SYT17: variants seen among roughly 807,000 people sequenced by gnomAD.
The protein encoded by SYT17 is synaptotagmin 17, also known as synaptotagmin-17.
Under a neutral mutation model 46.7 loss-of-function variants are expected in SYT17, and 22 were observed. The ratio of observed to expected loss-of-function variants is 0.47; its 90% CI spans 0.34 to 0.67. The LOEUF (loss-of-function observed/expected upper bound fraction) is 0.67, where lower values mean the gene tolerates loss of function less well. SYT17 is among the 30% of genes least tolerant of loss of function. The probability of loss-of-function intolerance (pLI) is 0.01; values close to 1 mark genes in which losing one functional copy is unlikely to be tolerated. For synonymous variants in SYT17, 251 were observed against 248.4 expected, an observed-to-expected ratio of 1.01 and a Z score of -0.10; for missense variants, 519 against 612.8, an observed-to-expected ratio of 0.85 and a Z score of 1.62.
intron 5 of SYT17, among the ~76,000 whole-genome samples, chr16:19,200,750 A>G (rs144693631): frequency 0.01 from 1,587 of 152,268 alleles, 22 homozygotes; most frequent in Middle Eastern, 0.024. Context: ...GACTTTTACT[A>G]CAGCTGGTGT....
Position 19,216,376 on chromosome 16 carries a change from A to C in SYT17, c.952-6669A>C, listed in dbSNP as rs534984532. ...TGATTAATACTTGAGCCCTACAATT[A>C]TTTCTTTTTTTTTTTTTTTATTATA... On this transcript the variant is annotated intron_variant, in intron 5 of 7. Coordinates refer to ENST00000355377, the MANE Select transcript of SYT17 (RefSeq NM_016524.4). 3.9e-4 allele frequency among the ~76,000 whole-genome samples: 39 copies of C among 100,492 alleles called. No individual in the cohort carries two copies. The East Asian group carries it at 7.1e-3, about 18-fold the overall frequency. The allele number at this position is 100,492 out of a possible 152,430, so 65.9% of individuals were successfully genotyped here.
chr16:19,266,541 G>T (rs570160697), intron 7 of SYT17, among the ~76,000 whole-genome samples: 1 of 152,180 alleles, frequency 6.6e-6, no homozygotes, highest in Non-Finnish European at 1.5e-5. Flanking sequence ...ATGCAGTGTG[G>T]TGATGCCGTG....
At chr16:19,263,640 C>CAAAAAAAAAA (rs1157288423) in intron 7 of SYT17, among the ~76,000 whole-genome samples, 2 of 39,230 alleles carry the variant, frequency 5.1e-5, no homozygotes, top group African/African-American at 1.5e-4. Context: ...AATTACAACT[C>CAAAAAAAAAA]AAAAAAAAAA....
In SYT17 at chr16:19,211,204, C is replaced by T. The variant is rs1965886437; in HGVS notation, c.952-11841C>T. ...AATGAGGCCTGTTTATTTGTGACATCGCTTCCACAAGGGACGAGGTAGAAG... is the reference window on the plus strand; with the variant it reads ...AATGAGGCCTGTTTATTTGTGACATTGCTTCCACAAGGGACGAGGTAGAAG... On this transcript the variant is annotated intron_variant, in intron 5 of 7. Coordinates refer to ENST00000355377, the MANE Select transcript of SYT17 (RefSeq NM_016524.4). 8 of 472,698 alleles carry T rather than the reference C, an allele frequency of 1.7e-5. No individual in the cohort carries two copies. In the South Asian group the frequency reaches 2.7e-4, roughly 16 times the overall value. The allele number at this position is 472,698 out of a possible 1,614,324, so 29.3% of individuals were successfully genotyped here.
chr16:19,195,821 C>A (rs903384563), intron 5 of SYT17, among the ~76,000 whole-genome samples: 3 of 152,004 alleles, frequency 2.0e-5, no homozygotes, highest in African/African-American at 7.3e-5. Flanking sequence ...CCCATCTCTA[C>A]AAAAAATTTA....
chr16:19,196,652 G>A (rs376743346), intron 5 of SYT17, among the ~76,000 whole-genome samples: 163 of 152,138 alleles, frequency 1.1e-3, no homozygotes, highest in African/African-American at 3.7e-3. Context: ...GCCTCCACAC[G>A]TATGTAATCT....
chr16:19,185,283 G>C (rs887730250), intron 5 of SYT17, among the ~76,000 whole-genome samples: 1 of 152,136 alleles, frequency 6.6e-6, no homozygotes, highest in African/African-American at 2.4e-5. Context: ...GCCACCATGA[G>C]GTCAATAAGA....
At chr16:19,196,379 A>AT (rs1482339667) in intron 5 of SYT17, among the ~76,000 whole-genome samples, 1 of 151,672 alleles carries the variant, frequency 6.6e-6, no homozygotes, top group African/African-American at 2.4e-5. Context: ...AGTAGCTGGG[A>AT]TTACAGGCAT....
intron 7 of SYT17, among the ~76,000 whole-genome samples, chr16:19,233,278 G>C (rs1242346199): frequency 1.3e-5 from 2 of 152,168 alleles, no homozygotes; most frequent in Non-Finnish European, 2.9e-5. Flanking sequence ...GCGGGGAATG[G>C]GTGGGAGGCC....
chr16:19,236,682 G>T (rs932886867), intron 7 of SYT17, among the ~76,000 whole-genome samples: 3 of 152,168 alleles, frequency 2.0e-5, no homozygotes, highest in Admixed American at 1.3e-4. Flanking sequence ...AGTCCAGGAG[G>T]GGTCAAACTC....
At chr16:19,201,419 C>T (rs1055941797) in intron 5 of SYT17, among the ~76,000 whole-genome samples, 1 of 152,106 alleles carries the variant, frequency 6.6e-6, no homozygotes, top group African/African-American at 2.4e-5. Flanking sequence ...AGTAGGTTAT[C>T]AGAATCAATG....
intron 5 of SYT17, among the ~76,000 whole-genome samples, chr16:19,218,545 GTCT>G (rs951825435): frequency 4.6e-5 from 7 of 152,188 alleles, no homozygotes; most frequent in African/African-American, 1.4e-4. Flanking sequence ...AAAACACTCA[GTCT>G]TCTTAGAAAA....
intron 7 of SYT17, among the ~76,000 whole-genome samples, chr16:19,261,277 C>T (rs960307193): frequency 6.6e-6 from 1 of 152,184 alleles, no homozygotes; most frequent in Non-Finnish European, 1.5e-5. Context: ...TTATAATTTG[C>T]ATTTTAAATT....
chr16:19,223,850 T>C (rs111356355), intron 6 of SYT17, among the ~76,000 whole-genome samples: 1 of 152,226 alleles, frequency 6.6e-6, no homozygotes, highest in African/African-American at 2.4e-5. Context: ...GTGGAGGCAA[T>C]GGTATTAAGA....
chr16:19,169,478 G>A (rs976790667), intron 1 of SYT17, among the ~76,000 whole-genome samples: 2 of 152,198 alleles, frequency 1.3e-5, no homozygotes, highest in African/African-American at 4.8e-5. Context: ...CCTCTGAGCT[G>A]GGCAGAGAAG....
chr16:19,177,133 C>T (rs1318330402), intron 3 of SYT17, among the ~76,000 whole-genome samples: 1 of 152,180 alleles, frequency 6.6e-6, no homozygotes, highest in Non-Finnish European at 1.5e-5. Flanking sequence ...GCTGCTAACC[C>T]TTTGTGTAAG....
At chr16:19,255,599 C>T (rs1968503756) in intron 7 of SYT17, among the ~76,000 whole-genome samples, 1 of 151,836 alleles carries the variant, frequency 6.6e-6, no homozygotes, top group Non-Finnish European at 1.5e-5. Flanking sequence ...TCAGCCTGGA[C>T]AACATAGCAA....
At chr16:19,217,462 C>A (rs974575190) in intron 5 of SYT17, among the ~76,000 whole-genome samples, 6 of 152,162 alleles carry the variant, frequency 3.9e-5, no homozygotes, top group Admixed American at 3.3e-4. Context: ...ATCAATGGAA[C>A]TGTACAATAT....
At chr16:19,241,930 G>C (rs1019790269) in intron 7 of SYT17, among the ~76,000 whole-genome samples, 5 of 152,218 alleles carry the variant, frequency 3.3e-5, no homozygotes, top group Admixed American at 6.5e-5. Flanking sequence ...AGCAATGGCA[G>C]TGGCTGCTCC....
Sources: gnomAD v4.1 joint callset for allele counts (sites outside exome capture counted in the v4.1 genomes callset) on GRCh38, gnomAD v4.1.1 for gene constraint, MANE v1.5 for transcripts, NCBI Gene and HGNC (gene_info 2026-07-23, HGNC 2026-07-21) for gene names.